The following DNAI7 variants were observed in gnomAD, a reference collection of about 807,000 sequenced individuals.
DNAI7 encodes the protein dynein axonemal intermediate chain 7.
DNAI7 carries 78 observed loss-of-function variants against 86.6 expected under a neutral mutation model. That is an observed-to-expected ratio of 0.90 (90% CI 0.75 to 1.09). DNAI7 has a LOEUF of 1.09. Among genes scored for constraint, DNAI7 ranks in the 50% least tolerant of loss-of-function variants. The pLI is 0.00. For synonymous variants in DNAI7, 274 were observed against 273.0 expected (o/e 1.00, Z -0.04); for missense variants, 753 against 810.2 (o/e 0.93, Z 0.86).
intron 2 of DNAI7, among the ~76,000 whole-genome samples, chr12:25,188,736 A>G (rs1592730018): frequency 6.6e-6 from 1 of 152,056 alleles, no homozygotes; most frequent in East Asian, 1.9e-4. Flanking sequence ...CAAATTTCAT[A>G]GGAAGAATCT....
chr12:25,153,053 C>T (rs1173055893), intron 6 of DNAI7, among the ~76,000 whole-genome samples: 1 of 152,094 alleles, frequency 6.6e-6, no homozygotes, highest in Non-Finnish European at 1.5e-5. Flanking sequence ...ACATGCCTGT[C>T]AACTGCTCTT....
intron 2 of DNAI7, among the ~76,000 whole-genome samples, chr12:25,165,766 C>G (rs776694521): frequency 3.3e-5 from 5 of 152,212 alleles, no homozygotes; most frequent in Non-Finnish European, 7.4e-5. Flanking sequence ...GGGCCTGTTT[C>G]CCTTGCCCCC....
chr12:25,118,126 G>A (rs904262880), intron 12 of DNAI7, among the ~76,000 whole-genome samples: 4 of 151,734 alleles, frequency 2.6e-5, no homozygotes, highest in Non-Finnish European at 4.4e-5. Flanking sequence ...TAGAGATGGG[G>A]TTTCACTATG....
Position 25,171,200 on chromosome 12 carries a change from A to C in DNAI7, c.22-10003T>G, listed in dbSNP as rs140822125. On this transcript the variant is annotated intron_variant, in intron 2 of 15. Coordinates refer to ENST00000395987, the MANE Select transcript of DNAI7 (RefSeq NM_018272.5). ...GAAACAAAAAGCTGGTTCTTTGAAA[A>C]GATAAATAAAATTGATAGATCATTA... 6.2e-3 allele frequency among the ~76,000 whole-genome samples: 941 copies of C among 152,324 alleles called. 10 individuals are homozygous for C. Among genetic ancestry groups the C allele is most frequent in the African/African-American group, 0.021 (880 of 41,580 alleles).
At chr12:25,186,858 A>G (rs770509214) in intron 2 of DNAI7, among the ~76,000 whole-genome samples, 12 of 152,154 alleles carry the variant, frequency 7.9e-5, no homozygotes, top group Middle Eastern at 3.2e-3. Context: ...ATTGATTTCC[A>G]TAAGACTGTG....
intron 9 of DNAI7, among the ~76,000 whole-genome samples, chr12:25,141,873 A>G (rs1429693532): frequency 6.6e-6 from 1 of 152,144 alleles, no homozygotes; most frequent in African/African-American, 2.4e-5. Flanking sequence ...ATCAAAAAAT[A>G]ATAGATGTTT....
At position 25,144,644 on chromosome 12, in the gene DNAI7, A is replaced by T; in HGVS notation, c.723T>A (p.Ile241=). The T allele has an allele frequency of 1.2e-6, 2 of 1,613,880 alleles. No homozygotes were observed. ...HRSVRFSETQ[I]GFEIPRILAT... ...CTAATATCCTTGGAATCTCAAATCC[A>T]ATTTGTGTTTCAGAGAATCTAACAC... The change falls in exon 9 of 16, where the codon ATT becomes ATA. Residue 241 remains isoleucine (I), a synonymous_variant. Coordinates refer to ENST00000395987, the MANE Select transcript of DNAI7 (RefSeq NM_018272.5).
chr12:25,141,399 G>A (rs1474693119), intron 9 of DNAI7, among the ~76,000 whole-genome samples: 3 of 152,158 alleles, frequency 2.0e-5, no homozygotes. Flanking sequence ...CAAAAAGTGG[G>A]CTAAGGACCT....
intron 1 of DNAI7, among the ~76,000 whole-genome samples, chr12:25,194,157 C>T (rs1246204421): frequency 6.6e-6 from 1 of 152,142 alleles, no homozygotes; most frequent in Non-Finnish European, 1.5e-5. Context: ...GTGGAAAACT[C>T]GTATTTATAC....
intron 9 of DNAI7, among the ~76,000 whole-genome samples, chr12:25,127,822 T>C (rs971606362): frequency 4.6e-5 from 7 of 152,114 alleles, no homozygotes; most frequent in East Asian, 1.9e-4. Flanking sequence ...AAAAACAGAA[T>C]ATAGATTCCA....
rs377724167 is a variant in DNAI7, at chr12:25,129,226, T to C, written c.1003-5940A>G. On this transcript the variant is annotated intron_variant, in intron 9 of 15. Transcript: ENST00000395987. ...CTACCCAATGTAAAGTCACTCCCAG[T>C]TTAATCCTGTTTAATTTGGTGCATG... is the stretch of plus-strand genomic sequence containing the variant. 3.9e-5 allele frequency among the ~76,000 whole-genome samples: 6 copies of C among 152,340 alleles called. No homozygotes were observed. In the East Asian group the frequency reaches 9.6e-4, roughly 24 times the overall value.
intron 14 of DNAI7, 43 bp downstream of exon 14, chr12:25,111,729 T>C: frequency 7.5e-7 from 1 of 1,332,614 alleles, no homozygotes; most frequent in Non-Finnish European, 1.0e-6. Context: ...TTGCTAACAT[T>C]TTAAATGCAC....
intron 6 of DNAI7, among the ~76,000 whole-genome samples, chr12:25,153,534 A>T (rs1194507760): frequency 6.6e-6 from 1 of 152,106 alleles, no homozygotes; most frequent in Non-Finnish European, 1.5e-5. Context: ...TGCACAATAA[A>T]TTTTTCCTGT....
At chr12:25,183,637 A>G (rs1949771892) in intron 2 of DNAI7, among the ~76,000 whole-genome samples, 1 of 151,314 alleles carries the variant, frequency 6.6e-6, no homozygotes, top group South Asian at 2.1e-4. Context: ...GATGGGGTCT[A>G]TGTTGTCCAG....
intron 2 of DNAI7, among the ~76,000 whole-genome samples, chr12:25,170,790 A>G (rs1948055672): frequency 6.6e-6 from 1 of 152,230 alleles, no homozygotes; most frequent in East Asian, 1.9e-4. Flanking sequence ...CTCTCACACC[A>G]AAGTGGAATA....
At chr12:25,177,376 C>T (rs757735099) in intron 2 of DNAI7, among the ~76,000 whole-genome samples, 10 of 152,110 alleles carry the variant, frequency 6.6e-5, no homozygotes, top group Non-Finnish European at 1.3e-4. Context: ...TCTACTTTGT[C>T]TATATGAGTT....
chr12:25,160,179 T>C (rs1040726801), intron 3 of DNAI7, among the ~76,000 whole-genome samples: 1 of 152,172 alleles, frequency 6.6e-6, no homozygotes, highest in African/African-American at 2.4e-5. Context: ...AAAATTCCAA[T>C]GCTCCTAATT....
rs1944936228 is a variant in DNAI7 at position 25,147,024 on chromosome 12, C to G, written c.666G>C (p.Trp222Cys). The G allele has an allele frequency of 6.3e-7, 1 of 1,596,228 alleles. No homozygotes were observed. Among genetic ancestry groups the G allele is most frequent in the Admixed American group, 1.7e-5 (1 of 59,924 alleles). The change falls in exon 8 of 16, where the codon TGG becomes TGC. Residue 222 changes from tryptophan (W) to cysteine (C), a missense_variant. Transcript: ENST00000395987. Reference sequence around the variant, plus strand: ...ACCTTGGATTCTTCTTGAGGTTTGCCCACACATACAGAGTAACATTTTCAT... The same window carrying G: ...ACCTTGGATTCTTCTTGAGGTTTGCGCACACATACAGAGTAACATTTTCAT... ...IKDENVTLYV[W>C]ANLKKNPRHR...
intron 3 of DNAI7, 98 bp downstream of exon 3, chr12:25,161,015 A>G: frequency 2.3e-6 from 2 of 871,566 alleles, no homozygotes; most frequent in Admixed American, 4.3e-5. Context: ...AAATTTTAAA[A>G]TTAAAGAACT....
Sources: allele counts gnomAD v4.1 joint callset (sites outside exome capture counted in the v4.1 genomes callset), GRCh38; gene constraint gnomAD v4.1.1; transcripts MANE v1.5; gene names NCBI Gene and HGNC (gene_info 2026-07-23, HGNC 2026-07-21).